PDE1A: variants seen among roughly 807,000 people sequenced by gnomAD.
The protein encoded by PDE1A is dual specificity calcium/calmodulin-dependent 3',5'-cyclic nucleotide phosphodiesterase 1A.
PDE1A carries 35 observed loss-of-function variants against 61.7 expected under a neutral mutation model. That is an observed-to-expected ratio of 0.57 (90% CI 0.43 to 0.75). The LOEUF (loss-of-function observed/expected upper bound fraction) is 0.75. Ranked by LOEUF, PDE1A falls within the 30% of genes least tolerant of loss-of-function variation. The probability of loss-of-function intolerance (pLI) is 0.00; values close to 1 mark genes in which losing one functional copy is unlikely to be tolerated. For missense variants in PDE1A, 597 were observed against 630.6 expected (o/e 0.95, Z 0.57); for synonymous variants, 232 against 213.2 (o/e 1.09, Z -0.77).
intron 1 of PDE1A, among the ~76,000 whole-genome samples, chr2:182,349,489 T>C (rs895422643): frequency 3.9e-4 from 59 of 152,306 alleles, no homozygotes; most frequent in African/African-American, 1.3e-3. Context: ...AGAGACCAAA[T>C]TGGTGGAATT....
chr2:182,284,316 C>G (rs1007844412), intron 1 of PDE1A, among the ~76,000 whole-genome samples: 4 of 152,046 alleles, frequency 2.6e-5, no homozygotes, highest in African/African-American at 9.7e-5. Flanking sequence ...TGCAAAATAA[C>G]ATTTATACTT....
chr2:182,143,904 G>C (rs1690357099), downstream of PDE1A, among the ~76,000 whole-genome samples: 1 of 152,094 alleles, frequency 6.6e-6, no homozygotes, highest in African/African-American at 2.4e-5. Flanking sequence ...GTGTGCGTGT[G>C]TTTGTATGTG....
At chr2:182,228,743 CT>C (rs1441805459) in intron 6 of PDE1A, among the ~76,000 whole-genome samples, 1 of 152,080 alleles carries the variant, frequency 6.6e-6, no homozygotes, top group Non-Finnish European at 1.5e-5. Flanking sequence ...TCATTATTCT[CT>C]TTAGTTCAAA....
chr2:182,654,454 T>C, the PDE1A span, among the ~76,000 whole-genome samples: 11 of 152,190 alleles, frequency 7.2e-5, no homozygotes, highest in African/African-American at 2.7e-4. Flanking sequence ...CTGTAAGATA[T>C]ATTTAGGTCA....
chr2:182,326,465 C>CA (rs1208734571), intron 1 of PDE1A, among the ~76,000 whole-genome samples: 2 of 151,906 alleles, frequency 1.3e-5, no homozygotes, highest in Admixed American at 1.3e-4. Context: ...AAGTTAGATG[C>CA]AAAAAAGATG....
At chr2:182,541,127 C>T in the PDE1A span, among the ~76,000 whole-genome samples, 1 of 152,138 alleles carries the variant, frequency 6.6e-6, no homozygotes, top group Non-Finnish European at 1.5e-5. Context: ...AAAACATATA[C>T]AACAATATCT....
At chr2:182,527,323 AAAAAATATATATATATATAT>A (rs1361351282), upstream of PDE1A, among the ~76,000 whole-genome samples, 337 of 41,044 alleles carry the variant, frequency 8.2e-3, 23 homozygotes, top group South Asian at 0.053. Context: ...AAAAAAAAAA[AAAAAATATATATATATATAT>A]ATATATATAT....
intron 2 of PDE1A, among the ~76,000 whole-genome samples, chr2:182,465,155 A>G (rs557935264): frequency 6.6e-6 from 1 of 152,264 alleles, no homozygotes; most frequent in East Asian, 1.9e-4. Context: ...TTTATTTCAT[A>G]AGGACTGCAG....
chr2:182,466,922 G>A (rs529667236), intron 2 of PDE1A, among the ~76,000 whole-genome samples: 2 of 152,120 alleles, frequency 1.3e-5, no homozygotes, highest in Admixed American at 6.6e-5. Context: ...TAGAAGCCTA[G>A]AGAAAAATCA....
chr2:182,658,065 A>AC, the PDE1A span, among the ~76,000 whole-genome samples: 145 of 106,896 alleles, frequency 1.4e-3, no homozygotes, highest in East Asian at 7.0e-3. Flanking sequence ...AAAAAAAAAA[A>AC]AAAAAAACAA....
In PDE1A at chr2:182,306,957, A is replaced by T. The variant is rs1695630334; in HGVS notation, c.54-42543T>A. Among the ~76,000 whole-genome samples the T allele has an allele frequency of 2.0e-5, 3 of 152,218 alleles. No homozygotes were observed. The South Asian group carries it at 6.2e-4, about 32-fold the overall frequency. On this transcript the variant is annotated intron_variant, in intron 1 of 13. Coordinates refer to ENST00000351439, the Ensembl canonical transcript of PDE1A. ...AGCAAAAGTAGATAAACGGGATTAC[A>T]TCAAACTAAAAAGTTTCTGCACAGC...
At chr2:182,597,719 T>A in the PDE1A span, among the ~76,000 whole-genome samples, 1 of 152,358 alleles carries the variant, frequency 6.6e-6, no homozygotes, top group African/African-American at 2.4e-5. Flanking sequence ...CTTTGAATTA[T>A]AAACTTTTCA....
At chr2:182,359,293 T>C (rs189387771) in intron 1 of PDE1A, among the ~76,000 whole-genome samples, 1 of 152,272 alleles carries the variant, frequency 6.6e-6, no homozygotes, top group Non-Finnish European at 1.5e-5. Context: ...ACTAACTCAC[T>C]TAGTGGATAG....
intron 1 of PDE1A, among the ~76,000 whole-genome samples, chr2:182,380,882 T>C (rs1700695490): frequency 6.6e-6 from 1 of 152,196 alleles, no homozygotes; most frequent in South Asian, 2.1e-4. Context: ...CCAGTTACTA[T>C]GCTGAAGAGC....
chr2:182,562,303 T>C, the PDE1A span, among the ~76,000 whole-genome samples: 2 of 151,014 alleles, frequency 1.3e-5, no homozygotes, highest in Non-Finnish European at 3.0e-5. Flanking sequence ...TCTGCATCTA[T>C]TGAGATAATC....
At chr2:182,433,217 A>AT (rs1400145739) in intron 2 of PDE1A, among the ~76,000 whole-genome samples, 1 of 151,982 alleles carries the variant, frequency 6.6e-6, no homozygotes, top group Non-Finnish European at 1.5e-5. Flanking sequence ...CCATACCACC[A>AT]TTTTTACTCT....
chr2:182,655,201 G>C, the PDE1A span, among the ~76,000 whole-genome samples: 1 of 152,144 alleles, frequency 6.6e-6, no homozygotes, highest in Non-Finnish European at 1.5e-5. Context: ...AGGCAGGAAT[G>C]AGAGTTTTCT....
chr2:182,468,016 C>T lies in PDE1A; in HGVS notation c.101+54260G>A, dbSNP rs191989701. Among the ~76,000 whole-genome samples, 414 of 152,074 alleles carry T rather than the reference C, an allele frequency of 2.7e-3. 2 individuals are homozygous for T. Among genetic ancestry groups the T allele is most frequent in the African/African-American group, 9.1e-3 (378 of 41,528 alleles). ...ATTCTTTATTGCTAAAACATACTAACGATTATCTGAGTCTTCAGAATCATA... is the reference window on the plus strand; with the variant it reads ...ATTCTTTATTGCTAAAACATACTAATGATTATCTGAGTCTTCAGAATCATA... On this transcript the variant is annotated intron_variant, in intron 2 of 14. Coordinates refer to the PDE1A transcript ENST00000410103.
the PDE1A span, among the ~76,000 whole-genome samples, chr2:182,561,931 G>C: frequency 1.3e-5 from 2 of 152,060 alleles, no homozygotes; most frequent in Non-Finnish European, 2.9e-5. Flanking sequence ...TGCTGAAGTT[G>C]CTTATCAGCT....
Sources: allele counts gnomAD v4.1 joint callset (sites outside exome capture counted in the v4.1 genomes callset), GRCh38; gene constraint gnomAD v4.1.1; transcripts MANE v1.5; gene names NCBI Gene and HGNC (gene_info 2026-07-23, HGNC 2026-07-21).